Variants in IL1RAPL1 observed in about 807,000 individuals in gnomAD.
The protein encoded by IL1RAPL1 is interleukin 1 receptor accessory protein like 1.
Under a neutral mutation model 48.4 loss-of-function variants are expected in IL1RAPL1, and 3 were observed. The observed-to-expected ratio is 0.06, with a 90% CI of 0.03 to 0.16. The LOEUF (loss-of-function observed/expected upper bound fraction) is 0.16, where lower values mean the gene tolerates loss of function less well. Among genes scored for constraint, IL1RAPL1 ranks in the 10% least tolerant of loss-of-function variants. The pLI, the probability that IL1RAPL1 is intolerant of heterozygous loss-of-function variation, is 1.00. For synonymous variants in IL1RAPL1, 185 were observed against 187.7 expected, an observed-to-expected ratio of 0.99 and a Z score of 0.12; for missense variants, 349 against 530.6, an observed-to-expected ratio of 0.66 and a Z score of 3.36.
At chrX:28,815,839 G>GTATGTGTA (rs1467095474) in intron 2 of IL1RAPL1, among the ~76,000 whole-genome samples, 8 of 29,110 alleles carry the variant, frequency 2.7e-4, no homozygotes, top group East Asian at 1.3e-3. Context: ...GTGTGTTTAT[G>GTATGTGTA]TATATATATA....
At chrX:29,514,560 T>C (rs763971842) in intron 5 of IL1RAPL1, among the ~76,000 whole-genome samples, 16 of 112,404 alleles carry the variant, frequency 1.4e-4, no homozygotes, top group Admixed American at 1.9e-4. Flanking sequence ...GCAATTTTCA[T>C]GCCTCAGCAT....
At chrX:28,657,875 G>A (rs1348698591) in intron 1 of IL1RAPL1, among the ~76,000 whole-genome samples, 1 of 112,182 alleles carries the variant, frequency 8.9e-6, no homozygotes, top group Admixed American at 9.4e-5. Context: ...GTTGGTGTTC[G>A]AGAGGCTAAC....
intron 2 of IL1RAPL1, among the ~76,000 whole-genome samples, chrX:29,210,009 T>G (rs1157905565): frequency 8.9e-6 from 1 of 111,962 alleles, no homozygotes; most frequent in Non-Finnish European, 1.9e-5. Flanking sequence ...AAACTACCAG[T>G]GAATATACTT....
intron 3 of IL1RAPL1, among the ~76,000 whole-genome samples, chrX:29,298,759 A>T (rs1255127173): frequency 8.9e-6 from 1 of 111,945 alleles, no homozygotes; most frequent in East Asian, 2.8e-4. Flanking sequence ...AGAACAGCCA[A>T]AGCCTTATAT....
intron 2 of IL1RAPL1, among the ~76,000 whole-genome samples, chrX:29,080,972 CTTTCTT>C (rs1927802358): frequency 2.3e-5 from 1 of 43,397 alleles, no homozygotes; most frequent in East Asian, 1.0e-3. Context: ...TTCTTTCTTT[CTTTCTT>C]TCTTTCTTTC....
chrX:29,661,434 C>G (rs1925845298), intron 5 of IL1RAPL1, among the ~76,000 whole-genome samples: 1 of 111,995 alleles, frequency 8.9e-6, no homozygotes, highest in African/African-American at 3.2e-5. Context: ...TTTCCCTATT[C>G]AGTAAGTGAA....
intron 5 of IL1RAPL1, among the ~76,000 whole-genome samples, chrX:29,453,830 A>G (rs183875292): frequency 1.3e-4 from 15 of 112,422 alleles, no homozygotes; most frequent in Non-Finnish European, 5.6e-5. Context: ...ACTATCTCCC[A>G]TATTTCAACT....
intron 6 of IL1RAPL1, among the ~76,000 whole-genome samples, chrX:29,802,769 ATATATATATATATGTGTGTGTG>A (rs1168228640): frequency 5.4e-4 from 15 of 27,636 alleles, no homozygotes; most frequent in African/African-American, 3.4e-3. Context: ...ATATATATAT[ATATATATATATATGTGTGTGTG>A]TATATATATA....
At chrX:29,892,912 G>C (rs1035004451) in intron 6 of IL1RAPL1, among the ~76,000 whole-genome samples, 4 of 112,114 alleles carry the variant, frequency 3.6e-5, no homozygotes, top group African/African-American at 1.3e-4. Context: ...AATCTGTTAA[G>C]TAAAGAAGCC....
chrX:29,314,682 T>C (rs1932761825), intron 3 of IL1RAPL1, among the ~76,000 whole-genome samples: 1 of 112,622 alleles, frequency 8.9e-6, no homozygotes. Context: ...GGCACCTTTT[T>C]CTTTTGGTTG....
chrX:28,783,517 A>G (rs1243519867), intron 1 of IL1RAPL1, among the ~76,000 whole-genome samples: 2 of 61,020 alleles, frequency 3.3e-5, no homozygotes, highest in Non-Finnish European at 5.5e-5. Context: ...AAAAGAAAAC[A>G]AGCAAATTCC....
At chrX:28,866,374 G>A (rs1038436767) in intron 2 of IL1RAPL1, among the ~76,000 whole-genome samples, 4 of 111,326 alleles carry the variant, frequency 3.6e-5, no homozygotes, top group African/African-American at 1.3e-4. Flanking sequence ...GGGGACTCTG[G>A]AGGAAATGGT....
chrX:29,371,649 G>A (rs370211287), intron 3 of IL1RAPL1, among the ~76,000 whole-genome samples: 3 of 111,361 alleles, frequency 2.7e-5, no homozygotes, highest in African/African-American at 9.8e-5. Context: ...ATGTCCATGA[G>A]TGCTCAATAT....
rs763690632 is a variant in IL1RAPL1, at chrX:29,191,019, GC to G, written c.83-91918del. Among the ~76,000 whole-genome samples the G allele has an allele frequency of 5.4e-5, 6 of 111,262 alleles. No homozygotes were observed. The East Asian group carries it at 1.7e-3, about 31-fold the overall frequency. ...GTATTGATATTATATTCTCTGAAAT[GC>G]GCATATATTTCACCATGTCTCAAAT... On this transcript the variant is annotated intron_variant, in intron 2 of 10. Transcript: ENST00000378993.
chrX:29,673,844 T>C (rs1926203502), intron 6 of IL1RAPL1, among the ~76,000 whole-genome samples: 1 of 112,194 alleles, frequency 8.9e-6, no homozygotes, highest in Non-Finnish European at 1.9e-5. Flanking sequence ...GTCTTGCTTT[T>C]GAAACCAAAA....
chrX:29,891,991 T>C, intron 6 of IL1RAPL1, among the ~76,000 whole-genome samples: 1 of 112,049 alleles, frequency 8.9e-6, no homozygotes, highest in Non-Finnish European at 1.9e-5. Context: ...TGAACTTATA[T>C]ATTGATGTAG....
At chrX:29,327,444 G>A (rs1013130647) in intron 3 of IL1RAPL1, among the ~76,000 whole-genome samples, 2 of 105,333 alleles carry the variant, frequency 1.9e-5, no homozygotes, top group East Asian at 5.8e-4. Context: ...TCTTAGAGTC[G>A]ATTTTCTTTT....
chrX:29,877,903 G>T (rs751601636), intron 6 of IL1RAPL1, among the ~76,000 whole-genome samples: 22 of 112,199 alleles, frequency 2.0e-4, no homozygotes, highest in African/African-American at 7.1e-4. Flanking sequence ...ACTTTGACTT[G>T]TATTAGAATG....
chrX:29,069,628 A>AACACAC (rs56373899), intron 2 of IL1RAPL1, among the ~76,000 whole-genome samples: 5,411 of 83,576 alleles, frequency 0.065, 190 homozygotes, highest in East Asian at 0.089. Context: ...TTTCCTATAG[A>AACACAC]ACACACACAC....
Sources: gnomAD v4.1 joint callset for allele counts (sites outside exome capture counted in the v4.1 genomes callset) on GRCh38, gnomAD v4.1.1 for gene constraint, MANE v1.5 for transcripts, NCBI Gene and HGNC (gene_info 2026-07-23, HGNC 2026-07-21) for gene names.